Variants in RNF151 observed in about 807,000 individuals in gnomAD.
RNF151 encodes the protein ring finger protein 151.
Under a neutral mutation model 11.1 loss-of-function variants are expected in RNF151, and 9 were observed. The ratio of observed to expected loss-of-function variants is 0.81; its 90% CI spans 0.49 to 1.42. The LOEUF (loss-of-function observed/expected upper bound fraction) is 1.42. Ranked by LOEUF, RNF151 falls within the 40% of genes most tolerant of loss-of-function variation. The probability of loss-of-function intolerance (pLI) is 0.00; values close to 1 mark genes in which losing one functional copy is unlikely to be tolerated. For synonymous variants in RNF151, 172 were observed against 140.7 expected (o/e 1.22, Z -1.58); for missense variants, 372 against 342.9 (o/e 1.08, Z -0.67).
chr16:1,966,951 G>T, intron 1 of RNF151, 67 bp downstream of exon 1: 1 of 1,513,178 alleles, frequency 6.6e-7, no homozygotes, highest in Non-Finnish European at 8.9e-7. Context: ...CTGCCCAGTT[G>T]TCCAGGGATC....
chr16:1,967,978 CTGCTTAGT>C (rs1476842189), intron 3 of RNF151, 157 bp downstream of exon 3: 2 of 713,806 alleles, frequency 2.8e-6, no homozygotes, highest in Non-Finnish European at 5.1e-6. Flanking sequence ...CGTGGCTCTA[CTGCTTAGT>C]TGCTGTGTGA....
chr16:1,967,484 A>G (rs1385061378), intron 2 of RNF151, 65 bp downstream of exon 2: 4 of 1,429,920 alleles, frequency 2.8e-6, no homozygotes, highest in Non-Finnish European at 3.9e-6. Flanking sequence ...GCTGTGGCCC[A>G]GAACAGAGGG....
chr16:1,968,788 G>T lies in RNF151; in HGVS notation c.601G>T (p.Ala201Ser). 6.3e-7 allele frequency: 1 copy of T among 1,591,092 alleles called. No homozygotes were observed. Among genetic ancestry groups the T allele is most frequent in the Non-Finnish European group, 8.5e-7 (1 of 1,169,660 alleles). The change falls in exon 4 of 4, where the codon GCG becomes TCG. Residue 201 changes from alanine (A) to serine (S), a missense_variant. Coordinates refer to ENST00000569714, the MANE Select transcript of RNF151 (RefSeq NM_174903.6). ...QATSVVRREL[A>S]ELSNFLEEDT... Reference sequence around the variant, plus strand: ...CACCAGTGTCGTTCGTAGAGAGCTGGCGGAGCTCAGCAACTTCCTGGAGGA... The same window carrying T: ...CACCAGTGTCGTTCGTAGAGAGCTGTCGGAGCTCAGCAACTTCCTGGAGGA...
chr16:1,966,960 T>C, intron 1 of RNF151, 76 bp downstream of exon 1: 1 of 1,473,986 alleles, frequency 6.8e-7, no homozygotes. Context: ...TGTCCAGGGA[T>C]CGACCCCACT....
chr16:1,967,862 C>A (rs766744706), intron 3 of RNF151, 41 bp downstream of exon 3: 8 of 1,440,744 alleles, frequency 5.6e-6, no homozygotes, highest in South Asian at 1.2e-5. Context: ...CAACCCTTCT[C>A]ACCCTTGTAG....
In RNF151 at chr16:1,968,926, G is replaced by C; in HGVS notation, c.*1G>C. On this transcript the variant is annotated 3_prime_UTR_variant, in exon 4 of 4. Coordinates refer to ENST00000569714, the MANE Select transcript of RNF151 (RefSeq NM_174903.6). ...CAGGGCCAACATACCTTGTAAATAG[G>C]TAAATAAAAGCAGACCCCCGGCCTG... 1.3e-6 allele frequency: 2 copies of C among 1,584,362 alleles called. No homozygotes were observed. The highest frequency in any genetic ancestry group is 1.7e-6 in the Non-Finnish European group (2 of 1,164,790).
intron 2 of RNF151, 75 bp downstream of exon 2, chr16:1,967,494 G>T: frequency 1.4e-6 from 2 of 1,384,838 alleles, no homozygotes; most frequent in Non-Finnish European, 1.0e-6. Context: ...AGAACAGAGG[G>T]GAAAGTCAGC....
chr16:1,968,043 G>T (rs773211786), intron 3 of RNF151: 24 of 700,540 alleles, frequency 3.4e-5, no homozygotes, highest in Non-Finnish European at 6.0e-5. Flanking sequence ...GTTAGAAAAT[G>T]GAGATTTTAG....
chr16:1,966,944 C>T, intron 1 of RNF151, 60 bp downstream of exon 1: 1 of 1,522,502 alleles, frequency 6.6e-7, no homozygotes. Context: ...CAGAAACCTG[C>T]CCAGTTGTCC....
Position 1,968,618 on chromosome 16 carries a change from T to G in RNF151, c.431T>G (p.Leu144Arg). 6.4e-7 allele frequency: 1 copy of G among 1,573,154 alleles called. No homozygotes were observed. The highest frequency in any genetic ancestry group is 1.2e-5 in the South Asian group (1 of 86,068). Residue 144 changes from leucine (L) to arginine (R), a missense_variant, in exon 4 of 4, where the codon CTG (leucine) becomes CGG (arginine). By Grantham distance (102) the Leu-to-Arg change is moderately radical. Coordinates refer to ENST00000569714, the MANE Select transcript of RNF151 (RefSeq NM_174903.6). ...CAAGGGTCCCAGCAGCGCTGCCCCC[T>G]GGGCTGCGGGGCCACCCTGGACCCG... ...CQQGSQQRCP[L>R]GCGATLDPAE...
In RNF151 at chr16:1,967,429, G is replaced by A; in HGVS notation, c.149+10G>A. The A allele has an allele frequency of 6.2e-7, 1 of 1,611,372 alleles. No homozygotes were observed. Among genetic ancestry groups the A allele is most frequent in the Middle Eastern group, 1.7e-4 (1 of 6,056 alleles). On this transcript the variant is annotated intron_variant, in intron 2 of 3. Transcript: ENST00000569714. ...TCCGGTGGCTAGCCAGGTGCCAGCG[G>A]GTACCCAAGGGGCTGGGAGGGCAGG...
In RNF151 at chr16:1,967,844, CT is replaced by C. The variant is rs767309907; in HGVS notation, c.246+24del. The C allele has an allele frequency of 4.5e-6, 7 of 1,547,916 alleles. No individual in the cohort carries two copies. In the Admixed American group the frequency reaches 1.1e-4, roughly 24 times the overall value. On this transcript the variant is annotated intron_variant, in intron 3 of 3. Coordinates refer to ENST00000569714, the MANE Select transcript of RNF151 (RefSeq NM_174903.6). ...AAGGTAGCTCAAAGTACCCACTCCCCTGACCCTCAACCCTTCTCACCCTTGT... is the reference window on the plus strand; with the variant it reads ...AAGGTAGCTCAAAGTACCCACTCCCCGACCCTCAACCCTTCTCACCCTTGT...
At chr16:1,967,876 T>A in intron 3 of RNF151, 55 bp downstream of exon 3, 1 of 1,299,582 alleles carries the variant, frequency 7.7e-7, no homozygotes, top group Non-Finnish European at 1.1e-6. Flanking sequence ...CTTGTAGGGG[T>A]GGGGCAGGGC....
Position 1,968,445 on chromosome 16 carries a change from C to T in RNF151, c.258C>T (p.Ala86=), listed in dbSNP as rs769892016. 8.3e-6 allele frequency: 13 copies of T among 1,558,948 alleles called. No homozygotes were observed. Among genetic ancestry groups the T allele is most frequent in the South Asian group, 1.2e-5 (1 of 85,820 alleles). The change falls in exon 4 of 4, where the codon GCC becomes GCT. Residue 86 remains alanine (A), a synonymous_variant. Transcript: ENST00000569714. ...TCCTTCACCCTCAGTGCAAGAACGC[C>T]GACGCTGGCTGCATAGTGACATGCC... ...IGRLEVKCKN[A]DAGCIVTCPL...
Position 1,968,436 on chromosome 16 carries a change from C to A in RNF151, c.249C>A (p.Cys83Ter). Residue 83 changes from cysteine to a stop codon, truncating the protein, a stop_gained and splice_region_variant, in exon 4 of 4, where the codon TGC becomes TGA. Transcript: ENST00000569714. LOFTEE classifies it low-confidence loss of function (END_TRUNC). ...RKTIGRLEVKCKNADAGCIVT... is the reference protein window; with the variant it reads ...RKTIGRLEVK ...CACACGTTCTCCTTCACCCTCAGTG[C>A]AAGAACGCCGACGCTGGCTGCATAG... 1 of 1,550,958 alleles carries A rather than the reference C, an allele frequency of 6.4e-7. No homozygotes were observed. The highest frequency in any genetic ancestry group is 8.7e-7 in the Non-Finnish European group (1 of 1,143,796).
At position 1,968,757 on chromosome 16, in the gene RNF151, C is replaced by G. The variant is rs1206267329; in HGVS notation, c.570C>G (p.Asp190Glu). The G allele has an allele frequency of 6.3e-7, 1 of 1,582,616 alleles. No homozygotes were observed. The change falls in exon 4 of 4, where the codon GAC becomes GAG. Residue 190 changes from aspartate (D) to glutamate (E), a missense_variant. Asp to Glu is a conservative substitution (Grantham distance 45). Transcript: ENST00000569714. ...TCCTGCGGCGTGTGCGCTGGCTGGACCAAGCCACCAGTGTCGTTCGTAGAG... is the reference window on the plus strand; with the variant it reads ...TCCTGCGGCGTGTGCGCTGGCTGGAGCAAGCCACCAGTGTCGTTCGTAGAG... Reference protein sequence around the residue: ...LSLLRRVRWLDQATSVVRREL... With the variant: ...LSLLRRVRWLEQATSVVRREL...
chr16:1,967,472 T>C, intron 2 of RNF151, 53 bp downstream of exon 2: 2 of 1,504,310 alleles, frequency 1.3e-6, no homozygotes, highest in Non-Finnish European at 9.2e-7. Context: ...CTGGGGGCCA[T>C]TGCTGTGGCC....
rs574883995 is a variant in RNF151 at position 1,968,626 on chromosome 16, G to C, written c.439G>C (p.Gly147Arg). Residue 147 changes from glycine to arginine, a missense_variant, in exon 4 of 4, where the codon GGG (glycine) becomes CGG (arginine). By Grantham distance (125) the Gly-to-Arg change is moderately radical. Coordinates refer to ENST00000569714, the MANE Select transcript of RNF151 (RefSeq NM_174903.6). ...CCAGCAGCGCTGCCCCCTGGGCTGC[G>C]GGGCCACCCTGGACCCGGCCGAGCG... The part of the protein sequence containing the change: ...GSQQRCPLGC[G>R]ATLDPAERAR... 8 of 1,570,292 alleles carry C rather than the reference G, an allele frequency of 5.1e-6. No individual in the cohort carries two copies. In the East Asian group the frequency reaches 1.7e-4, roughly 33 times the overall value.
intron 1 of RNF151, 143 bp from the exon 2 acceptor site, chr16:1,967,131 C>A: frequency 6.1e-6 from 7 of 1,145,472 alleles, no homozygotes; most frequent in Non-Finnish European, 8.6e-6. Context: ...GCTGCCCCCT[C>A]AAAGTGGGCG....
Sources: gnomAD v4.1 joint callset for allele counts on GRCh38, gnomAD v4.1.1 for gene constraint, MANE v1.5 for transcripts, NCBI Gene and HGNC (gene_info 2026-07-23, HGNC 2026-07-21) for gene names.